The following MYO18A variants were observed in gnomAD, a reference collection of about 807,000 sequenced individuals.
The protein encoded by MYO18A is unconventional myosin-XVIIIa.
A neutral mutation model predicts 235.8 loss-of-function variants in MYO18A; 78 were observed. The ratio of observed to expected loss-of-function variants is 0.33; its 90% CI spans 0.28 to 0.40. The LOEUF (loss-of-function observed/expected upper bound fraction) is 0.40, where lower values mean the gene tolerates loss of function less well. Ranked by LOEUF, MYO18A falls within the 10% of genes least tolerant of loss-of-function variation. The pLI, the probability that MYO18A is intolerant of heterozygous loss-of-function variation, is 1.00. For missense variants in MYO18A, 2,215 were observed against 2,699.3 expected (o/e 0.82, Z 3.98); for synonymous variants, 977 against 1,077.8 (o/e 0.91, Z 1.83).
chr17:29,079,755 G>A, intron 41 of MYO18A: 3 of 986,080 alleles, frequency 3.0e-6, no homozygotes, highest in Non-Finnish European at 3.6e-6. Context: ...GCCGGTACAG[G>A]TACCGCATCA....
Position 29,122,238 on chromosome 17 carries a change from GTTC to G in MYO18A, c.1012_1014del (p.Glu338del), listed in dbSNP as rs751365188. ...TTCCAGGCCTCTTCTGCTGCAATCT[GTTC>G]TTCTGTTTTCGCCTGTCAGAGAGAG... is the stretch of plus-strand genomic sequence containing the variant. On this transcript the variant is annotated inframe_deletion, in exon 3 of 42. Transcript: ENST00000527372. The G allele has an allele frequency of 3.1e-6, 5 of 1,613,016 alleles. No homozygotes were observed. The highest frequency in any genetic ancestry group is 1.7e-5 in the Admixed American group (1 of 59,900).
intron 2 of MYO18A, among the ~76,000 whole-genome samples, chr17:29,144,395 C>T (rs1306429219): frequency 6.6e-6 from 1 of 152,176 alleles, no homozygotes; most frequent in African/African-American, 2.4e-5. Context: ...CTTGGCTGAC[C>T]CTCTCCATCT....
At chr17:29,155,232 G>C (rs9911881) in intron 2 of MYO18A, 95,829 of 152,262 alleles carry the variant, frequency 0.63, 31,495 homozygotes, top group East Asian at 0.88. Context: ...GGGGCTGACA[G>C]GGAGCAGTGT....
At chr17:29,091,587 T>A (rs771536859) in intron 34 of MYO18A, 1 of 452,484 alleles carries the variant, frequency 2.2e-6, no homozygotes, top group South Asian at 1.6e-5. Context: ...GGTAATTTTA[T>A]AACAACCTTT....
intron 27 of MYO18A, 66 bp downstream of exon 27, chr17:29,097,157 C>T (rs563364955): frequency 7.6e-4 from 1,210 of 1,584,260 alleles, no homozygotes; most frequent in Non-Finnish European, 9.5e-4. Flanking sequence ...TTCACTGGAC[C>T]GACACAAGGC....
rs1043671658 is a variant in MYO18A at position 29,071,762 on chromosome 17, T to C, written c.*3008A>G. 1.3e-5 allele frequency: 2 copies of C among 152,192 alleles called. No individual in the cohort carries two copies. Among genetic ancestry groups the C allele is most frequent in the Non-Finnish European group, 2.9e-5 (2 of 68,052 alleles). 9.4% of individuals were successfully genotyped at this position (152,192 alleles called of 1,614,324 possible). The stretch of plus-strand genomic sequence containing the variant: ...CCACATGGGTCTGCTCCAGCCCTCG[T>C]CCGCAAAACCCTGGAGGATGGATAC... On this transcript the variant is annotated 3_prime_UTR_variant, in exon 42 of 42. Transcript: ENST00000527372.
intron 30 of MYO18A, 194 bp from the exon 31 acceptor site, chr17:29,094,284 A>G: frequency 1.7e-6 from 1 of 604,100 alleles, no homozygotes; most frequent in Non-Finnish European, 2.9e-6. Context: ...GCATAGGCCC[A>G]CAGAGAGGCA....
At position 29,097,851 on chromosome 17, in the gene MYO18A, C is replaced by T. The variant is rs2066558803; in HGVS notation, c.4039G>A (p.Val1347Met). Reference protein sequence around the residue: ...KKQMEVMEMEVMEARLIRAAE... With the variant: ...KKQMEVMEMEMMEARLIRAAE... The stretch of plus-strand genomic sequence containing the variant: ...GCCCGGATGAGACGGGCCTCCATCA[C>T]CTCCATTTCCATAACCTCCATCTGC... The change falls in exon 26 of 42, where the codon GTG becomes ATG. Residue 1347 changes from valine to methionine, a missense_variant. Val to Met is a conservative substitution (Grantham distance 21). Coordinates refer to ENST00000527372, the MANE Select transcript of MYO18A (RefSeq NM_078471.4). 4.3e-6 allele frequency: 7 copies of T among 1,613,934 alleles called. No homozygotes were observed. Among genetic ancestry groups the T allele is most frequent in the Admixed American group, 1.7e-5 (1 of 60,010 alleles).
At position 29,121,762 on chromosome 17, in the gene MYO18A, G is replaced by A. The variant is rs760829392; in HGVS notation, c.1195-39C>T. 32 of 1,594,994 alleles carry A rather than the reference G, an allele frequency of 2.0e-5. No homozygotes were observed. The South Asian group carries it at 3.6e-4, about 18-fold the overall frequency. On this transcript the variant is annotated intron_variant, in intron 4 of 41. Transcript: ENST00000527372. The surrounding 1 kb of genome is among the most constrained non-coding windows in gnomAD (Gnocchi z 4.2). ...CAGGCGGGTGGGTATTAGAGCAGCA[G>A]AGCCCATCTCCGCTGCCAGAGGATG...
intron 20 of MYO18A, among the ~76,000 whole-genome samples, chr17:29,104,419 T>C (rs960323681): frequency 2.6e-5 from 4 of 152,140 alleles, no homozygotes; most frequent in African/African-American, 9.7e-5. Context: ...TTTACGTAAC[T>C]AAGCAGATAA....
intron 18 of MYO18A, 72 bp downstream of exon 18, chr17:29,110,364 G>C: frequency 6.8e-7 from 1 of 1,467,010 alleles, no homozygotes; most frequent in South Asian, 1.4e-5. Flanking sequence ...TGTGCTCGGA[G>C]TCCCCAGGCC....
At chr17:29,131,298 C>T (rs2067466349) in intron 2 of MYO18A, 4 of 782,334 alleles carry the variant, frequency 5.1e-6, no homozygotes, top group Non-Finnish European at 6.2e-6. Context: ...GGCAAACACA[C>T]ACACGCACAC....
At position 29,075,364 on chromosome 17, in the gene MYO18A, C is replaced by G. The variant is rs138730272; in HGVS notation, c.6021-450G>C. On this transcript the variant is annotated intron_variant, in intron 41 of 41. Coordinates refer to ENST00000527372, the MANE Select transcript of MYO18A (RefSeq NM_078471.4). ...TAGGGGCTCTCTTAGGCGAGTGATT[C>G]CTAAAAAGATTCCTTCTGAGGAGGA... The G allele has an allele frequency of 1.8e-5, 3 of 170,210 alleles. No individual in the cohort carries two copies. In the East Asian group the frequency reaches 5.6e-4, roughly 32 times the overall value. The allele number at this position is 170,210 out of a possible 1,614,324, so 10.5% of individuals were successfully genotyped here.
chr17:29,130,525 CACAA>C lies in MYO18A; in HGVS notation c.1000-8276_1000-8273del, dbSNP rs1387131948. ...ACACACACACACACACACACACACA[CACAA>C]CCCTTTCAAATCACAGGCTGGCTTT... On this transcript the variant is annotated intron_variant, in intron 2 of 41. Transcript: ENST00000527372. 5.2e-4 allele frequency among the ~76,000 whole-genome samples: 71 copies of C among 137,388 alleles called. 1 individual carries two copies. The highest frequency in any genetic ancestry group is 1.7e-3 in the African/African-American group (60 of 36,132). 90.1% of individuals were successfully genotyped at this position (137,388 alleles called of 152,430 possible).
In MYO18A at chr17:29,128,925, T is replaced by C. The variant is rs1191072618; in HGVS notation, c.1000-6672A>G. On this transcript the variant is annotated intron_variant, in intron 2 of 41. Transcript: ENST00000527372. ...CAAGTCCCATTCTAGGTGAGCCCAC[T>C]GCCTCGCAGCCCAGACACAGCAGAG... 9.1e-6 allele frequency: 7 copies of C among 765,146 alleles called. No homozygotes were observed. The African/African-American group carries it at 1.1e-4, about 12-fold the overall frequency. 47.4% of individuals were successfully genotyped at this position (765,146 alleles called of 1,614,324 possible). A position where few individuals can be genotyped will look rare whatever the true frequency, so the allele number is the denominator to read the frequency against.
In MYO18A at chr17:29,121,038, C is replaced by A. The variant is rs2067186263; in HGVS notation, c.1545G>T (p.Leu515=). The A allele has an allele frequency of 6.2e-7, 1 of 1,612,784 alleles. No individual in the cohort carries two copies. Among genetic ancestry groups the A allele is most frequent in the South Asian group, 1.1e-5 (1 of 90,758 alleles). Residue 515 remains leucine, a synonymous_variant, in exon 6 of 42, where the codon CTG becomes CTT. Transcript: ENST00000527372. This position sits in a 1 kb window ranked among gnomAD's most constrained non-coding sequence, Gnocchi z 4.2. ...TTSCQHLVQY[L]ATIAGISGNK... is the part of the protein sequence containing the mutation. The stretch of plus-strand genomic sequence containing the variant: ...TCCCGCTGATGCCCGCGATGGTGGC[C>A]AGGTACTGCACCAGATGCTGGCAGC...
At chr17:29,156,191 A>G (rs1367790268) in intron 2 of MYO18A, among the ~76,000 whole-genome samples, 1 of 152,178 alleles carries the variant, frequency 6.6e-6, no homozygotes, top group African/African-American at 2.4e-5. Context: ...GTTCAGGGAG[A>G]GCAGCGGAAG....
At position 29,109,866 on chromosome 17, in the gene MYO18A, T is replaced by A. The variant is rs942226519; in HGVS notation, c.3323A>T (p.Tyr1108Phe). ...AGGAAAGGAGGCCCCACCTTGGCGG[T>A]ACATGCGCATGGCATCGAGCAGGCG... is the stretch of plus-strand genomic sequence containing the variant. ...GSRLLDAMRM[Y>F]RQGYPDHMVF... The change falls in exon 19 of 42, where the codon TAC becomes TTC. Residue 1108 changes from tyrosine to phenylalanine, a missense_variant. Tyr to Phe is a conservative substitution (Grantham distance 22, BLOSUM62 3). Transcript: ENST00000527372. The surrounding 1 kb of genome is among the most constrained non-coding windows in gnomAD (Gnocchi z 4.1). 5 of 1,557,914 alleles carry A rather than the reference T, an allele frequency of 3.2e-6. No homozygotes were observed. The African/African-American group carries it at 5.4e-5, about 17-fold the overall frequency.
intron 26 of MYO18A, 81 bp from the exon 27 acceptor site, chr17:29,097,431 G>T (rs1342274802): frequency 1.9e-6 from 3 of 1,558,718 alleles, no homozygotes; most frequent in Non-Finnish European, 2.6e-6. Flanking sequence ...GATGGGGCAG[G>T]GGGAGCAGCA....
Sources: gnomAD v4.1 joint callset for allele counts (sites outside exome capture counted in the v4.1 genomes callset) on GRCh38, gnomAD v4.1.1 for gene constraint, Gnocchi (gnomAD v3.1) non-coding constraint, MANE v1.5 for transcripts, NCBI Gene and HGNC (gene_info 2026-07-23, HGNC 2026-07-21) for gene names.